The following RIMS2 variants were observed in gnomAD, a reference collection of about 807,000 sequenced individuals.
RIMS2 encodes regulating synaptic membrane exocytosis 2, also known as regulating synaptic membrane exocytosis protein 2.
RIMS2 carries 59 observed loss-of-function variants against 174.4 expected under a neutral mutation model. The observed-to-expected ratio is 0.34, with a 90% CI of 0.27 to 0.42. The LOEUF (loss-of-function observed/expected upper bound fraction) is 0.42, where lower values mean the gene tolerates loss of function less well. Ranked by LOEUF, RIMS2 falls within the 10% of genes least tolerant of loss-of-function variation. RIMS2 has a pLI of 1.00. For missense variants in RIMS2, 1,620 were observed against 1,666.3 expected (o/e 0.97, Z 0.48); for synonymous variants, 606 against 572.5 (o/e 1.06, Z -0.84).
rs1030012860 is a variant in RIMS2, at chr8:103,921,597, A to G, written c.2084-75A>G. ...ACATCAAAAAAATAAATAATTTAAA[A>G]GATATATGGCAAAACTTACTAAATA... On this transcript the variant is annotated intron_variant, in intron 9 of 23. Transcript: ENST00000504942. 4.1e-6 allele frequency: 3 copies of G among 735,622 alleles called. No individual in the cohort carries two copies. In the South Asian group the frequency reaches 4.4e-5, roughly 11 times the overall value. 45.6% of individuals were successfully genotyped at this position (735,622 alleles called of 1,614,324 possible).
At chr8:103,575,410 A>G (rs1156907402) in intron 1 of RIMS2, among the ~76,000 whole-genome samples, 1 of 152,110 alleles carries the variant, frequency 6.6e-6, no homozygotes. Context: ...ATACCATATG[A>G]CCCAGAAATT....
intron 2 of RIMS2, among the ~76,000 whole-genome samples, chr8:103,756,769 G>A (rs1404225626): frequency 6.6e-6 from 1 of 152,000 alleles, no homozygotes; most frequent in Non-Finnish European, 1.5e-5. Context: ...TTTATTTAAT[G>A]TTTTGTAATT....
chr8:103,647,370 A>G (rs1268932577), intron 1 of RIMS2, among the ~76,000 whole-genome samples: 1 of 150,348 alleles, frequency 6.7e-6, no homozygotes, highest in Non-Finnish European at 1.5e-5. Flanking sequence ...CATCAAGGAC[A>G]TTGGCCTGAG....
chr8:104,215,264 T>A (rs1430725270), intron 19 of RIMS2, among the ~76,000 whole-genome samples: 1 of 152,202 alleles, frequency 6.6e-6, no homozygotes, highest in Non-Finnish European at 1.5e-5. Flanking sequence ...AAGAAGTCTT[T>A]ATTGCCATAA....
intron 1 of RIMS2, among the ~76,000 whole-genome samples, chr8:103,611,887 T>C (rs2095379404): frequency 1.3e-5 from 2 of 152,154 alleles, no homozygotes; most frequent in African/African-American, 4.8e-5. Flanking sequence ...TTTCTCTACC[T>C]CTTCTTTAAG....
At chr8:104,168,395 T>A (rs189004350) in intron 19 of RIMS2, among the ~76,000 whole-genome samples, 199 of 152,324 alleles carry the variant, frequency 1.3e-3, no homozygotes, top group Non-Finnish European at 2.3e-3. Context: ...GTTAAGTATA[T>A]TCCTAAGTAT....
chr8:104,078,420 A>T (rs931485567), intron 19 of RIMS2, among the ~76,000 whole-genome samples: 1 of 152,138 alleles, frequency 6.6e-6, no homozygotes, highest in African/African-American at 2.4e-5. Context: ...AGGCCTTTCC[A>T]TGGCTTTCAG....
intron 3 of RIMS2, among the ~76,000 whole-genome samples, chr8:103,788,218 G>A (rs1329385006): frequency 1.3e-5 from 2 of 150,604 alleles, no homozygotes; most frequent in African/African-American, 4.9e-5. Context: ...TGGTTTGAAT[G>A]TCCTCCCATA....
At position 104,002,715 on chromosome 8, in the gene RIMS2, G is replaced by A. The variant is rs908608006; in HGVS notation, c.3045-10727G>A. ...GGATGAAGGTAGTAAATTTAACATG[G>A]CATCCCCAGTTATGCCCACTCCATT... On this transcript the variant is annotated intron_variant, in intron 17 of 23. Transcript: ENST00000504942. Among the ~76,000 whole-genome samples, 7 of 152,102 alleles carry A rather than the reference G, an allele frequency of 4.6e-5. 1 individual carries two copies. The highest frequency in any genetic ancestry group is 3.2e-3 in the Middle Eastern group (1 of 314).
At chr8:103,730,284 T>TAC (rs1326833440) in intron 2 of RIMS2, among the ~76,000 whole-genome samples, 1 of 116,828 alleles carries the variant, frequency 8.6e-6, no homozygotes, top group Non-Finnish European at 2.0e-5. Context: ...TTGCAATTGT[T>TAC]ATATATATAG....
At chr8:104,107,771 G>C (rs2098101190) in intron 19 of RIMS2, among the ~76,000 whole-genome samples, 1 of 152,174 alleles carries the variant, frequency 6.6e-6, no homozygotes, top group Non-Finnish European at 1.5e-5. Flanking sequence ...AACACAGCAA[G>C]ACTCCATCTC....
chr8:103,726,252 A>T (rs1349130933), intron 2 of RIMS2, among the ~76,000 whole-genome samples: 1 of 152,184 alleles, frequency 6.6e-6, no homozygotes, highest in Admixed American at 6.5e-5. Context: ...TTTCAGCTTA[A>T]TGTTGGTTTA....
chr8:103,942,239 C>T (rs115750889), intron 13 of RIMS2, among the ~76,000 whole-genome samples: 1,677 of 152,172 alleles, frequency 0.011, 40 homozygotes, highest in African/African-American at 0.038. Context: ...AGTGAGAATG[C>T]GTGGTATTTG....
intron 2 of RIMS2, among the ~76,000 whole-genome samples, chr8:103,750,192 A>T (rs1564498266): frequency 6.6e-6 from 1 of 152,104 alleles, no homozygotes; most frequent in African/African-American, 2.4e-5. Context: ...AGAAAAAAAA[A>T]TTTCCATTAA....
chr8:104,150,492 G>C (rs1304106889), intron 19 of RIMS2, among the ~76,000 whole-genome samples: 1 of 152,074 alleles, frequency 6.6e-6, no homozygotes, highest in Non-Finnish European at 1.5e-5. Context: ...CTCAGAGGAA[G>C]GCCACTTGAC....
At chr8:103,594,749 A>G (rs2133449192) in intron 1 of RIMS2, among the ~76,000 whole-genome samples, 1 of 151,944 alleles carries the variant, frequency 6.6e-6, no homozygotes, top group South Asian at 2.1e-4. Context: ...CTCAAGACAA[A>G]GAAAGAAAAT....
chr8:103,997,087 G>A (rs766467041), intron 17 of RIMS2, among the ~76,000 whole-genome samples: 1 of 151,818 alleles, frequency 6.6e-6, no homozygotes, highest in Non-Finnish European at 1.5e-5. Context: ...GGTAGAAGCA[G>A]AAGTCAAATT....
At chr8:103,685,940 G>GA (rs2096935686) in intron 1 of RIMS2, among the ~76,000 whole-genome samples, 1 of 152,116 alleles carries the variant, frequency 6.6e-6, no homozygotes. Flanking sequence ...AACAATTTTA[G>GA]TCTTGCCATT....
At chr8:104,073,807 C>G (rs2097239546) in intron 19 of RIMS2, among the ~76,000 whole-genome samples, 1 of 152,112 alleles carries the variant, frequency 6.6e-6, no homozygotes, top group Non-Finnish European at 1.5e-5. Context: ...TTTTAGGCAC[C>G]CATTCACAGA....
Sources: allele counts gnomAD v4.1 joint callset (sites outside exome capture counted in the v4.1 genomes callset), GRCh38; gene constraint gnomAD v4.1.1; transcripts MANE v1.5; gene names NCBI Gene and HGNC (gene_info 2026-07-23, HGNC 2026-07-21).